Variants in NAALADL2 observed in about 807,000 individuals in gnomAD.
The protein encoded by NAALADL2 is N-acetylated alpha-linked acidic dipeptidase like 2.
In NAALADL2, 76 loss-of-function variants were observed where a neutral mutation model predicts 87.2. The ratio of observed to expected loss-of-function variants is 0.87; its 90% CI spans 0.72 to 1.05. NAALADL2 has a LOEUF of 1.05. NAALADL2 is among the 50% of genes least tolerant of loss of function. The pLI, the probability that NAALADL2 is intolerant of heterozygous loss-of-function variation, is 0.00. For synonymous variants in NAALADL2, 354 were observed against 331.0 expected (o/e 1.07, Z -0.75); for missense variants, 1,089 against 945.8 (o/e 1.15, Z -1.99).
chr3:174,983,116 C>T (rs1335827939), intron 1 of NAALADL2, among the ~76,000 whole-genome samples: 1 of 151,976 alleles, frequency 6.6e-6, no homozygotes, highest in Non-Finnish European at 1.5e-5. Flanking sequence ...TTTTATTACT[C>T]CTAGTTTCCA....
rs574497318 is a variant in NAALADL2, at chr3:175,362,298, C to T, written c.1090+37973C>T. Among the ~76,000 whole-genome samples, 15 of 147,938 alleles carry T rather than the reference C, an allele frequency of 1.0e-4. 1 individual carries two copies. The South Asian group carries it at 2.7e-3, about 26-fold the overall frequency. On this transcript the variant is annotated intron_variant, in intron 5 of 13. Coordinates refer to ENST00000454872, the MANE Select transcript of NAALADL2 (RefSeq NM_207015.3). ...TGTTGTATAGTTTGAAGTCAGGTAG[C>T]GTGATGCCTCCAGCTTTGTTCTTTT... is the stretch of plus-strand genomic sequence containing the variant.
intron 4 of NAALADL2, among the ~76,000 whole-genome samples, chr3:175,279,787 A>AGTGTGTGTGT (rs34107349): frequency 1.1e-4 from 14 of 125,516 alleles, no homozygotes; most frequent in African/African-American, 2.8e-4. Context: ...ATAGTGTGTG[A>AGTGTGTGTGT]GTGTGTGTGT....
At chr3:175,140,564 A>G (rs1324957320) in intron 2 of NAALADL2, among the ~76,000 whole-genome samples, 1 of 152,192 alleles carries the variant, frequency 6.6e-6, no homozygotes, top group East Asian at 1.9e-4. Context: ...CAAAGAAGGC[A>G]GGTAAAGAGT....
Position 174,950,417 on chromosome 3 carries a change from A to C in NAALADL2, c.43+90967A>C, listed in dbSNP as rs112957252. On this transcript the variant is annotated intron_variant, in intron 1 of 13. Transcript: ENST00000454872. ...GACCAATGCATTGATTTTCATTGTT[A>C]TACTTTGCTGTGTAAAACATACATA... Among the ~76,000 whole-genome samples, 589 of 152,236 alleles carry C rather than the reference A, an allele frequency of 3.9e-3. 2 individuals carry two copies. Among genetic ancestry groups the C allele is most frequent in the East Asian group, 0.012 (60 of 5,178 alleles).
In NAALADL2 at chr3:175,056,706, T is replaced by G. The variant is rs184919765; in HGVS notation, c.44-40084T>G. On this transcript the variant is annotated intron_variant, in intron 1 of 13. Coordinates refer to ENST00000454872, the MANE Select transcript of NAALADL2 (RefSeq NM_207015.3). ...AAGCATTGTTTCTATAGATTATAGA[T>G]TAACTAAAAGTATTCCTTATGCGAA... Among the ~76,000 whole-genome samples the G allele has an allele frequency of 3.3e-4, 50 of 152,312 alleles. No homozygotes were observed. The East Asian group carries it at 8.1e-3, about 25-fold the overall frequency.
intron 1 of NAALADL2, among the ~76,000 whole-genome samples, chr3:174,467,352 T>C (rs1332041289): frequency 6.6e-6 from 1 of 152,002 alleles, no homozygotes; most frequent in East Asian, 1.9e-4. Context: ...CCCAACACTC[T>C]GGGAGGCCAA....
At chr3:174,546,739 C>T (rs1490599312) in intron 1 of NAALADL2, among the ~76,000 whole-genome samples, 2 of 152,106 alleles carry the variant, frequency 1.3e-5, no homozygotes, top group East Asian at 3.9e-4. Flanking sequence ...CTTACTACAT[C>T]CTCGACCTCC....
intron 9 of NAALADL2, among the ~76,000 whole-genome samples, chr3:175,569,867 AT>A (rs1437273048): frequency 6.3e-5 from 9 of 143,452 alleles, no homozygotes; most frequent in African/African-American, 2.4e-4. Context: ...GACACTTTAT[AT>A]ATACATTAAT....
At chr3:174,816,198 T>C (rs1302753520) in intron 3 of NAALADL2, among the ~76,000 whole-genome samples, 1 of 151,954 alleles carries the variant, frequency 6.6e-6, no homozygotes, top group Non-Finnish European at 1.5e-5. Context: ...CCTATCCTCT[T>C]CTTCATCGTA....
At chr3:174,969,502 T>C (rs1743319981) in intron 1 of NAALADL2, among the ~76,000 whole-genome samples, 1 of 152,254 alleles carries the variant, frequency 6.6e-6, no homozygotes, top group South Asian at 2.1e-4. Context: ...TGTGAATTAA[T>C]TCATGAACTT....
At position 174,698,722 on chromosome 3, in the gene NAALADL2, G is replaced by A. The variant is rs1384637496; in HGVS notation, c.-114-38919G>A. On this transcript the variant is annotated intron_variant, in intron 2 of 3. Transcript: ENST00000434257. ...TACTAAAAATACAAAAAATTAGCCG[G>A]GCGTAGTGGCGGGCGCCTTTAGTCC... Among the ~76,000 whole-genome samples the A allele has an allele frequency of 5.2e-5, 7 of 134,382 alleles. 3 individuals carry two copies. The highest frequency in any genetic ancestry group is 2.3e-4 in the African/African-American group (7 of 30,576). The allele number at this position is 134,382 out of a possible 152,430, so 88.2% of individuals were successfully genotyped here. A position where few individuals can be genotyped will look rare whatever the true frequency, so the allele number is the denominator to read the frequency against.
intron 1 of NAALADL2, among the ~76,000 whole-genome samples, chr3:174,982,989 G>A (rs1219247705): frequency 6.6e-6 from 1 of 152,188 alleles, no homozygotes; most frequent in East Asian, 1.9e-4. Context: ...TAGTAGAGAC[G>A]GGGTTTCAAC....
chr3:174,607,426 C>G (rs1341711749), intron 2 of NAALADL2, among the ~76,000 whole-genome samples: 4 of 150,812 alleles, frequency 2.7e-5, no homozygotes, highest in African/African-American at 7.3e-5. Context: ...AAACCCATCT[C>G]ACGTGCAGAG....
intron 11 of NAALADL2, among the ~76,000 whole-genome samples, chr3:175,688,219 C>T (rs1449073849): frequency 1.3e-5 from 2 of 152,028 alleles, no homozygotes; most frequent in Admixed American, 1.3e-4. Flanking sequence ...AATGAACGAC[C>T]TCTTGCTGGT....
At chr3:175,323,051 C>T (rs1461268419) in intron 4 of NAALADL2, among the ~76,000 whole-genome samples, 39 of 148,708 alleles carry the variant, frequency 2.6e-4, no homozygotes, top group Admixed American at 5.4e-4. Context: ...ATGTTTATTG[C>T]GGCACTATTC....
chr3:175,218,941 G>C (rs1391599899), intron 2 of NAALADL2, among the ~76,000 whole-genome samples: 1 of 151,950 alleles, frequency 6.6e-6, no homozygotes. Context: ...AAGTAACTGG[G>C]ATTACAGGTG....
intron 11 of NAALADL2, among the ~76,000 whole-genome samples, chr3:175,703,976 T>G (rs1307189250): frequency 1.3e-5 from 2 of 152,156 alleles, no homozygotes; most frequent in Non-Finnish European, 2.9e-5. Flanking sequence ...TTAATGAGAT[T>G]ATGATCCTGT....
chr3:175,646,274 ATAT>A (rs1374850660), intron 11 of NAALADL2, among the ~76,000 whole-genome samples: 1 of 151,986 alleles, frequency 6.6e-6, no homozygotes, highest in Non-Finnish European at 1.5e-5. Flanking sequence ...TTACTTTTAA[ATAT>A]TATAATTAAT....
At chr3:174,455,272 C>G (rs1306079995) in intron 1 of NAALADL2, among the ~76,000 whole-genome samples, 1 of 152,090 alleles carries the variant, frequency 6.6e-6, no homozygotes, top group Non-Finnish European at 1.5e-5. Flanking sequence ...CAGGAACAGA[C>G]AGATTCACAG....
Sources: allele counts gnomAD v4.1 joint callset (sites outside exome capture counted in the v4.1 genomes callset), GRCh38; gene constraint gnomAD v4.1.1; transcripts MANE v1.5; gene names NCBI Gene and HGNC (gene_info 2026-07-23, HGNC 2026-07-21).